Variants in XKR4 observed in about 807,000 individuals in gnomAD.
The protein encoded by XKR4 is XK related 4.
XKR4 carries 12 observed loss-of-function variants against 53.9 expected under a neutral mutation model. The ratio of observed to expected loss-of-function variants is 0.22; its 90% CI spans 0.14 to 0.36. XKR4 has a LOEUF of 0.36. XKR4 is among the 10% of genes least tolerant of loss of function. The pLI is 1.00. For missense variants in XKR4, 799 were observed against 859.5 expected (o/e 0.93, Z 0.88); for synonymous variants, 354 against 362.4 (o/e 0.98, Z 0.26).
intron 1 of XKR4, among the ~76,000 whole-genome samples, chr8:55,138,165 CT>C (rs145823225): frequency 7.3e-5 from 11 of 151,104 alleles, no homozygotes; most frequent in Non-Finnish European, 1.6e-4. Context: ...CAGAGGGTTC[CT>C]TTTTTTTTGT....
intron 1 of XKR4, chr8:55,164,708 C>T (rs1817040624): frequency 3.5e-6 from 1 of 284,136 alleles, no homozygotes; most frequent in Non-Finnish European, 7.1e-6. Context: ...AAATCAAACC[C>T]ATGTATAATA....
intron 1 of XKR4, among the ~76,000 whole-genome samples, chr8:55,156,460 G>A (rs1482168769): frequency 6.6e-6 from 1 of 151,324 alleles, no homozygotes; most frequent in African/African-American, 2.4e-5. Context: ...GGGGTGGGGT[G>A]TGTAAGTCAG....
At chr8:55,171,937 C>A (rs1193291712) in intron 1 of XKR4, among the ~76,000 whole-genome samples, 1 of 152,126 alleles carries the variant, frequency 6.6e-6, no homozygotes, top group Non-Finnish European at 1.5e-5. Flanking sequence ...CCAGAGGGGT[C>A]TTTCTGATAG....
chr8:55,440,407 T>C (rs1012623487), intron 2 of XKR4, among the ~76,000 whole-genome samples: 3 of 152,190 alleles, frequency 2.0e-5, no homozygotes, highest in Admixed American at 2.0e-4. Context: ...TTAAAATAGA[T>C]ATAAATTCCT....
chr8:55,431,086 A>G (rs1368575911), intron 2 of XKR4, among the ~76,000 whole-genome samples: 1 of 152,252 alleles, frequency 6.6e-6, no homozygotes, highest in Non-Finnish European at 1.5e-5. Flanking sequence ...CAAAATGAAA[A>G]GCTTCTTTAG....
At chr8:55,349,766 C>G (rs887170911) in intron 1 of XKR4, among the ~76,000 whole-genome samples, 1 of 152,106 alleles carries the variant, frequency 6.6e-6, no homozygotes, top group African/African-American at 2.4e-5. Context: ...AATGATAATA[C>G]ATAAGGGTTT....
At chr8:55,362,317 G>A (rs901866166) in intron 2 of XKR4, among the ~76,000 whole-genome samples, 5 of 152,174 alleles carry the variant, frequency 3.3e-5, no homozygotes. Context: ...CCTGAATTAA[G>A]GGGTGTGTGT....
chr8:55,169,786 A>G (rs566074782), intron 1 of XKR4, among the ~76,000 whole-genome samples: 291 of 152,358 alleles, frequency 1.9e-3, no homozygotes, highest in Non-Finnish European at 3.6e-3. Flanking sequence ...ACTATCTCCT[A>G]TTCAGAATTT....
At chr8:55,187,614 A>T (rs1817397317) in intron 1 of XKR4, among the ~76,000 whole-genome samples, 1 of 152,248 alleles carries the variant, frequency 6.6e-6, no homozygotes, top group Non-Finnish European at 1.5e-5. Context: ...AGCACTTAAA[A>T]AATTATATTT....
At chr8:55,408,469 G>T (rs147761049) in intron 2 of XKR4, among the ~76,000 whole-genome samples, 260 of 152,310 alleles carry the variant, frequency 1.7e-3, no homozygotes, top group African/African-American at 5.9e-3. Flanking sequence ...CCAGGGAACC[G>T]CAGCAGGATG....
intron 2 of XKR4, among the ~76,000 whole-genome samples, chr8:55,358,548 C>T (rs1049632179): frequency 6.6e-6 from 1 of 152,114 alleles, no homozygotes; most frequent in Non-Finnish European, 1.5e-5. Context: ...GCAGAGCTGC[C>T]AGGCATTTCT....
intron 1 of XKR4, among the ~76,000 whole-genome samples, chr8:55,163,490 CTG>C (rs1817015824): frequency 1.3e-5 from 2 of 152,164 alleles, no homozygotes; most frequent in Admixed American, 1.3e-4. Context: ...CCTGTGGACT[CTG>C]TGTTTTTTTG....
intron 1 of XKR4, among the ~76,000 whole-genome samples, chr8:55,202,737 C>T (rs1332687824): frequency 1.3e-5 from 2 of 152,186 alleles, no homozygotes; most frequent in Non-Finnish European, 2.9e-5. Context: ...AAGCAAAGGC[C>T]AGGCAGACTA....
At chr8:55,494,670 C>A (rs1420160228) in intron 2 of XKR4, among the ~76,000 whole-genome samples, 1 of 152,126 alleles carries the variant, frequency 6.6e-6, no homozygotes, top group Non-Finnish European at 1.5e-5. Context: ...ATCCTATCAT[C>A]GTTTCAGTTC....
chr8:55,193,914 G>T (rs1055882292), intron 1 of XKR4, among the ~76,000 whole-genome samples: 1 of 152,192 alleles, frequency 6.6e-6, no homozygotes, highest in African/African-American at 2.4e-5. Flanking sequence ...CCTCATAGCC[G>T]ACCTTGCAGA....
At position 55,525,774 on chromosome 8, in the gene XKR4, T is replaced by G. The variant is rs1053681014; in HGVS notation, c.*1547T>G. 5.2e-5 allele frequency: 8 copies of G among 152,634 alleles called. No homozygotes were observed. Among genetic ancestry groups the G allele is most frequent in the African/African-American group, 1.9e-4 (8 of 41,446 alleles). The allele number at this position is 152,634 out of a possible 1,614,324, so 9.5% of individuals were successfully genotyped here. ...GGTATACACATAGGCATCATCACATTTTTTATAGACCTGGAATCGTTTAAA... is the reference window on the plus strand; with the variant it reads ...GGTATACACATAGGCATCATCACATGTTTTATAGACCTGGAATCGTTTAAA... On this transcript the variant is annotated 3_prime_UTR_variant, in exon 3 of 3. Transcript: ENST00000327381.
At chr8:55,114,811 T>C (rs145762182) in intron 1 of XKR4, among the ~76,000 whole-genome samples, 90 of 152,288 alleles carry the variant, frequency 5.9e-4, no homozygotes, top group Admixed American at 1.8e-3. Context: ...CTAAGATCAG[T>C]TGCTGAGAAT....
intron 1 of XKR4, among the ~76,000 whole-genome samples, chr8:55,178,558 A>G (rs1040347460): frequency 2.6e-5 from 4 of 152,156 alleles, no homozygotes; most frequent in African/African-American, 9.7e-5. Context: ...TCATTCTATC[A>G]TGTGTTCTCC....
chr8:55,376,192 A>C (rs897005644), intron 2 of XKR4, among the ~76,000 whole-genome samples: 1 of 152,134 alleles, frequency 6.6e-6, no homozygotes, highest in African/African-American at 2.4e-5. Flanking sequence ...GTGAACATAC[A>C]TGTGCATGTA....
Sources: gnomAD v4.1 joint callset for allele counts (sites outside exome capture counted in the v4.1 genomes callset) on GRCh38, gnomAD v4.1.1 for gene constraint, MANE v1.5 for transcripts, NCBI Gene and HGNC (gene_info 2026-07-23, HGNC 2026-07-21) for gene names.